DENND1B: variants seen among roughly 807,000 people sequenced by gnomAD.
DENND1B encodes DENN domain containing 1B.
A neutral mutation model predicts 90.1 loss-of-function variants in DENND1B; 59 were observed. That is an observed-to-expected ratio of 0.65 (90% CI 0.53 to 0.81). The LOEUF (loss-of-function observed/expected upper bound fraction) is 0.81. DENND1B is among the 40% of genes least tolerant of loss of function. The pLI is 0.00. For missense variants in DENND1B, 862 were observed against 912.6 expected (o/e 0.94, Z 0.71); for synonymous variants, 337 against 324.6 (o/e 1.04, Z -0.41).
chr1:197,675,830 C>T (rs544057665), intron 3 of DENND1B, among the ~76,000 whole-genome samples: 1 of 152,158 alleles, frequency 6.6e-6, no homozygotes, highest in East Asian at 1.9e-4. Context: ...CCTCTAAATA[C>T]ACAAATTAGT....
intron 15 of DENND1B, among the ~76,000 whole-genome samples, chr1:197,555,909 G>A (rs1236311531): frequency 2.0e-5 from 3 of 152,042 alleles, no homozygotes; most frequent in Admixed American, 6.6e-5. Flanking sequence ...GCATTTGTAT[G>A]TTTATCCCGG....
chr1:197,597,814 G>A (rs1675842139), intron 13 of DENND1B, among the ~76,000 whole-genome samples: 1 of 151,740 alleles, frequency 6.6e-6, no homozygotes, highest in African/African-American at 2.4e-5. Context: ...TGGCCAATAA[G>A]GTAGCTATCA....
intron 2 of DENND1B, chr1:197,735,869 G>A: frequency 1.3e-6 from 2 of 1,574,090 alleles, no homozygotes; most frequent in Non-Finnish European, 1.7e-6. Flanking sequence ...CAGTCAAATT[G>A]CAGGGGGCTA....
intron 2 of DENND1B, among the ~76,000 whole-genome samples, chr1:197,769,901 G>A (rs1371347157): frequency 6.6e-6 from 1 of 152,064 alleles, no homozygotes; most frequent in Non-Finnish European, 1.5e-5. Context: ...AGATTTAGCT[G>A]TAAAGTAGAA....
At position 197,775,259 on chromosome 1, in the gene DENND1B, G is replaced by A; in HGVS notation, c.-104C>T. ...CGCGCCGTCCCCGCCCACGCCGGCG[G>A]CCACACAGGGAAAGAGGCTGCTCAC... On this transcript the variant is annotated 5_prime_UTR_variant, in exon 1 of 23. Coordinates refer to ENST00000620048, the MANE Select transcript of DENND1B (RefSeq NM_001195215.2). 1.0e-6 allele frequency: 1 copy of A among 967,728 alleles called. No individual in the cohort carries two copies. The highest frequency in any genetic ancestry group is 3.8e-4 in the Middle Eastern group (1 of 2,628). 59.9% of individuals were successfully genotyped at this position (967,728 alleles called of 1,614,324 possible).
chr1:197,610,455 C>CA (rs56811864), intron 12 of DENND1B, among the ~76,000 whole-genome samples: 78,375 of 147,552 alleles, frequency 0.53, 21,499 homozygotes, highest in East Asian at 0.68. Context: ...AATCATTATG[C>CA]AAAAAAAAAA....
chr1:197,695,216 T>C (rs1339279055), intron 3 of DENND1B, among the ~76,000 whole-genome samples: 1 of 151,134 alleles, frequency 6.6e-6, no homozygotes, highest in Admixed American at 6.6e-5. Context: ...GATGATGATT[T>C]TAGATTTACT....
chr1:197,746,524 T>A (rs1663773121), intron 2 of DENND1B, among the ~76,000 whole-genome samples: 1 of 152,232 alleles, frequency 6.6e-6, no homozygotes, highest in Non-Finnish European at 1.5e-5. Context: ...TTCTATATTT[T>A]TTCTTACATT....
At chr1:197,681,885 A>C (rs1484813897) in intron 3 of DENND1B, among the ~76,000 whole-genome samples, 2 of 152,170 alleles carry the variant, frequency 1.3e-5, no homozygotes, top group African/African-American at 4.8e-5. Flanking sequence ...TAGAAAACTG[A>C]TTTTTGTGCA....
intron 4 of DENND1B, among the ~76,000 whole-genome samples, chr1:197,673,699 T>C (rs1047122785): frequency 2.0e-4 from 31 of 152,118 alleles, no homozygotes; most frequent in African/African-American, 7.2e-4. Flanking sequence ...GAGAGACAAG[T>C]AGCCATGAGT....
intron 14 of DENND1B, among the ~76,000 whole-genome samples, chr1:197,589,801 G>T (rs1032825967): frequency 9.9e-5 from 15 of 152,126 alleles, no homozygotes; most frequent in Admixed American, 1.3e-4. Context: ...CATTAGCAAG[G>T]TTCAAGGCAG....
intron 14 of DENND1B, among the ~76,000 whole-genome samples, chr1:197,593,405 A>G (rs765538263): frequency 2.0e-5 from 3 of 151,774 alleles, no homozygotes; most frequent in Non-Finnish European, 4.4e-5. Flanking sequence ...ACCAAATGTA[A>G]AAAGAAAAAA....
At chr1:197,709,797 A>G (rs1338047366) in intron 3 of DENND1B, among the ~76,000 whole-genome samples, 1 of 140,608 alleles carries the variant, frequency 7.1e-6, no homozygotes. Flanking sequence ...TTGGATAAAG[A>G]GTCAACACCC....
At chr1:197,756,406 C>T (rs558193270) in intron 2 of DENND1B, among the ~76,000 whole-genome samples, 60 of 152,026 alleles carry the variant, frequency 3.9e-4, no homozygotes, top group African/African-American at 1.4e-3. Flanking sequence ...GAAACCACAT[C>T]TCTACTAAAA....
chr1:197,539,919 T>C, intron 20 of DENND1B, 45 bp downstream of exon 20: 3 of 1,425,548 alleles, frequency 2.1e-6, no homozygotes, highest in Non-Finnish European at 2.9e-6. Flanking sequence ...TGGAATTATA[T>C]AATTTGAGAA....
chr1:197,623,117 G>C (rs1490666682), intron 10 of DENND1B, among the ~76,000 whole-genome samples: 2 of 151,316 alleles, frequency 1.3e-5, no homozygotes, highest in African/African-American at 2.4e-5. Context: ...TTCAGCTAGA[G>C]TTATAGGAGT....
chr1:197,754,983 A>G (rs1041368889), intron 2 of DENND1B, among the ~76,000 whole-genome samples: 2 of 152,180 alleles, frequency 1.3e-5, no homozygotes, highest in Non-Finnish European at 2.9e-5. Flanking sequence ...ACTCATATAC[A>G]TACATAGGCA....
At chr1:197,524,781 G>A (rs981638336) in intron 20 of DENND1B, among the ~76,000 whole-genome samples, 1 of 152,048 alleles carries the variant, frequency 6.6e-6, no homozygotes, top group Non-Finnish European at 1.5e-5. Flanking sequence ...TCTCCATTAT[G>A]GTATGTCCAT....
At chr1:197,745,606 C>CAT (rs1283229218) in intron 2 of DENND1B, among the ~76,000 whole-genome samples, 4 of 131,554 alleles carry the variant, frequency 3.0e-5, no homozygotes, top group African/African-American at 9.6e-5. Flanking sequence ...AACAGATCAC[C>CAT]ATATATATAT....
Sources: gnomAD v4.1 joint callset for allele counts (sites outside exome capture counted in the v4.1 genomes callset) on GRCh38, gnomAD v4.1.1 for gene constraint, MANE v1.5 for transcripts, NCBI Gene and HGNC (gene_info 2026-07-23, HGNC 2026-07-21) for gene names.